The following CADPS2 variants were observed in gnomAD, a reference collection of about 807,000 sequenced individuals.
CADPS2 encodes the protein calcium-dependent secretion activator 2.
Under a neutral mutation model 172.5 loss-of-function variants are expected in CADPS2, and 93 were observed. That is an observed-to-expected ratio of 0.54 (90% CI 0.46 to 0.64). CADPS2 has a LOEUF of 0.64. Ranked by LOEUF, CADPS2 falls within the 30% of genes least tolerant of loss-of-function variation. The pLI, the probability that CADPS2 is intolerant of heterozygous loss-of-function variation, is 0.00. For missense variants in CADPS2, 1,420 were observed against 1,565.9 expected (o/e 0.91, Z 1.57); for synonymous variants, 546 against 555.2 (o/e 0.98, Z 0.23).
At chr7:122,645,309 A>ATATACACACATATGTACG (rs1563946852) in intron 3 of CADPS2, among the ~76,000 whole-genome samples, 1 of 123,948 alleles carries the variant, frequency 8.1e-6, no homozygotes, top group Non-Finnish European at 1.7e-5. Flanking sequence ...ACATATGTAC[A>ATATACACACATATGTACG]TGTGTGTATA....
chr7:122,837,698 G>A (rs1409216871), intron 1 of CADPS2, among the ~76,000 whole-genome samples: 1 of 152,082 alleles, frequency 6.6e-6, no homozygotes, highest in Non-Finnish European at 1.5e-5. Flanking sequence ...ATAAATTCCT[G>A]GACACATACA....
At chr7:122,413,487 C>T (rs2047544620) in intron 19 of CADPS2, among the ~76,000 whole-genome samples, 1 of 152,136 alleles carries the variant, frequency 6.6e-6, no homozygotes, top group Non-Finnish European at 1.5e-5. Context: ...TAGAAACAAC[C>T]TCTTAGCCCT....
At chr7:122,330,546 T>A (rs201010556) in intron 28 of CADPS2, among the ~76,000 whole-genome samples, 2 of 152,298 alleles carry the variant, frequency 1.3e-5, no homozygotes, top group East Asian at 3.9e-4. Context: ...ATACCTGGGT[T>A]CCATAAAACC....
chr7:122,673,920 TG>T (rs2082131084), intron 2 of CADPS2, among the ~76,000 whole-genome samples: 2 of 15,578 alleles, frequency 1.3e-4, no homozygotes, highest in East Asian at 1.8e-3. Context: ...GGGGTGGGGG[TG>T]GGGGTTGGTT....
At chr7:122,713,398 C>G (rs1016573180) in intron 2 of CADPS2, among the ~76,000 whole-genome samples, 4 of 152,000 alleles carry the variant, frequency 2.6e-5, no homozygotes, top group African/African-American at 9.7e-5. Context: ...AACATTAGTA[C>G]CAAATTTTTG....
intron 5 of CADPS2, among the ~76,000 whole-genome samples, chr7:122,617,756 A>T (rs2075091470): frequency 6.6e-6 from 1 of 152,174 alleles, no homozygotes; most frequent in South Asian, 2.1e-4. Context: ...TAAAAAATCA[A>T]CTATAAGCCG....
chr7:122,638,587 G>A (rs893534532), intron 3 of CADPS2, among the ~76,000 whole-genome samples: 1 of 152,176 alleles, frequency 6.6e-6, no homozygotes, highest in Non-Finnish European at 1.5e-5. Context: ...AGGGCCTGGG[G>A]GGGTCCCCAC....
intron 19 of CADPS2, among the ~76,000 whole-genome samples, chr7:122,412,415 C>T (rs895420466): frequency 6.6e-6 from 1 of 152,046 alleles, no homozygotes; most frequent in Non-Finnish European, 1.5e-5. Context: ...AATCAAATAC[C>T]CTTTCTCTTT....
chr7:122,680,701 G>A (rs982525302), intron 2 of CADPS2, among the ~76,000 whole-genome samples: 35 of 152,188 alleles, frequency 2.3e-4, no homozygotes, highest in African/African-American at 7.2e-4. Flanking sequence ...GCAACAGAGT[G>A]AGACTGTCTC....
At chr7:122,511,894 G>A (rs1276864020) in intron 9 of CADPS2, among the ~76,000 whole-genome samples, 5 of 152,084 alleles carry the variant, frequency 3.3e-5, no homozygotes, top group Admixed American at 6.6e-5. Flanking sequence ...TGTCAGAAAC[G>A]AAATGTGGAA....
At chr7:122,340,932 T>C (rs2036685695) in intron 28 of CADPS2, among the ~76,000 whole-genome samples, 1 of 151,992 alleles carries the variant, frequency 6.6e-6, no homozygotes, top group Non-Finnish European at 1.5e-5. Flanking sequence ...GGTATATTCA[T>C]GATCTTTCCT....
intron 3 of CADPS2, among the ~76,000 whole-genome samples, chr7:122,660,637 G>A (rs576969672): frequency 6.6e-6 from 1 of 151,302 alleles, no homozygotes; most frequent in South Asian, 2.1e-4. Flanking sequence ...TGGGCCAAGC[G>A]CTGTGGCTCA....
At chr7:122,703,432 C>T (rs893907382) in intron 2 of CADPS2, among the ~76,000 whole-genome samples, 1 of 152,084 alleles carries the variant, frequency 6.6e-6, no homozygotes, top group African/African-American at 2.4e-5. Context: ...ACCATTCCCA[C>T]CCACTTCCCA....
rs2085633585 is a variant in CADPS2, at chr7:122,699,154, C to T, written c.454-35585G>A. 6.6e-6 allele frequency: 3 copies of T among 456,640 alleles called. No homozygotes were observed. In the South Asian group the frequency reaches 1.1e-4, roughly 16 times the overall value. The allele number at this position is 456,640 out of a possible 1,614,324, so 28.3% of individuals were successfully genotyped here. A position where few individuals can be genotyped will look rare whatever the true frequency, so the allele number is the denominator to read the frequency against. ...CCCCTACTGTTAACTCTAGATACTGCTTACTATTGTGTGATGTGATTATGA... is the reference window on the plus strand; with the variant it reads ...CCCCTACTGTTAACTCTAGATACTGTTTACTATTGTGTGATGTGATTATGA... On this transcript the variant is annotated intron_variant, in intron 2 of 29. Coordinates refer to ENST00000449022, the MANE Select transcript of CADPS2 (RefSeq NM_017954.11).
intron 2 of CADPS2, chr7:122,681,573 C>A (rs1369027922): frequency 8.0e-6 from 12 of 1,493,150 alleles, no homozygotes; most frequent in African/African-American, 1.4e-5. Context: ...AGTCAGGAAT[C>A]GATCTCGTGA....
intron 1 of CADPS2, among the ~76,000 whole-genome samples, chr7:122,800,590 G>C (rs1274504034): frequency 6.6e-6 from 1 of 151,986 alleles, no homozygotes; most frequent in Non-Finnish European, 1.5e-5. Flanking sequence ...TGAATAGCAG[G>C]GTCCTAGATC....
intron 1 of CADPS2, among the ~76,000 whole-genome samples, chr7:122,742,102 C>A (rs894053016): frequency 2.6e-5 from 4 of 151,772 alleles, no homozygotes; most frequent in Admixed American, 1.3e-4. Context: ...TTTTAAAAAT[C>A]TAAACAAACT....
chr7:122,733,295 T>C (rs1400243420), intron 2 of CADPS2, among the ~76,000 whole-genome samples: 1 of 151,886 alleles, frequency 6.6e-6, no homozygotes, highest in Non-Finnish European at 1.5e-5. Context: ...AAAAACAAGA[T>C]CAAAATATAC....
At chr7:122,865,063 G>A (rs909135372) in intron 1 of CADPS2, among the ~76,000 whole-genome samples, 2 of 152,088 alleles carry the variant, frequency 1.3e-5, no homozygotes, top group East Asian at 1.9e-4. Context: ...CATGATTAAT[G>A]CCCTCCCTGT....
Sources: allele counts gnomAD v4.1 joint callset (sites outside exome capture counted in the v4.1 genomes callset), GRCh38; gene constraint gnomAD v4.1.1; transcripts MANE v1.5; gene names NCBI Gene and HGNC (gene_info 2026-07-23, HGNC 2026-07-21).